Variants in RBMS3 observed in about 807,000 individuals in gnomAD.
RBMS3 encodes RNA binding motif single stranded interacting protein 3, also known as RNA-binding motif, single-stranded-interacting protein 3.
RBMS3 carries 27 observed loss-of-function variants against 66.8 expected under a neutral mutation model. The ratio of observed to expected loss-of-function variants is 0.40; its 90% CI spans 0.30 to 0.56. The LOEUF (loss-of-function observed/expected upper bound fraction) is 0.56, where lower values mean the gene tolerates loss of function less well. Among genes scored for constraint, RBMS3 ranks in the 20% least tolerant of loss-of-function variants. RBMS3 has a pLI of 0.40. For missense variants in RBMS3, 513 were observed against 549.5 expected (o/e 0.93, Z 0.66); for synonymous variants, 188 against 183.0 (o/e 1.03, Z -0.22).
At chr3:29,560,288 C>A (rs1182911008) in intron 3 of RBMS3, among the ~76,000 whole-genome samples, 2 of 152,188 alleles carry the variant, frequency 1.3e-5, no homozygotes, top group African/African-American at 2.4e-5. Flanking sequence ...CAAAAAATTT[C>A]TTCCCCACTT....
At chr3:29,553,431 A>G (rs2046241288) in intron 3 of RBMS3, among the ~76,000 whole-genome samples, 1 of 152,162 alleles carries the variant, frequency 6.6e-6, no homozygotes, top group African/African-American at 2.4e-5. Flanking sequence ...ATGGCTCTTA[A>G]GGTTGTCCCA....
chr3:29,707,532 C>T (rs143352078), intron 4 of RBMS3, among the ~76,000 whole-genome samples: 3,584 of 152,204 alleles, frequency 0.024, 55 homozygotes, highest in Middle Eastern at 0.037. Context: ...TAAAAACAAA[C>T]AAAACATCTG....
chr3:29,794,862 A>C (rs1255975479), intron 6 of RBMS3, among the ~76,000 whole-genome samples: 1 of 152,220 alleles, frequency 6.6e-6, no homozygotes, highest in East Asian at 1.9e-4. Context: ...AATTTGCTAA[A>C]GGGTTGGGAG....
chr3:29,559,114 G>T (rs2046454410), intron 3 of RBMS3, among the ~76,000 whole-genome samples: 1 of 152,068 alleles, frequency 6.6e-6, no homozygotes, highest in Middle Eastern at 3.4e-3. Flanking sequence ...AGATAGTGAG[G>T]AAATCCAAAA....
At chr3:29,511,226 G>A (rs567475081) in intron 3 of RBMS3, among the ~76,000 whole-genome samples, 2 of 152,162 alleles carry the variant, frequency 1.3e-5, no homozygotes, top group Non-Finnish European at 1.5e-5. Context: ...GAACCCAGGA[G>A]CAGAGGTTAC....
At chr3:29,587,016 A>T in intron 3 of RBMS3, 98 bp from the exon 4 acceptor site, 2 of 869,032 alleles carry the variant, frequency 2.3e-6, no homozygotes, top group Non-Finnish European at 3.6e-6. Flanking sequence ...ATGTCAGAAG[A>T]AATGAATGCA....
intron 6 of RBMS3, among the ~76,000 whole-genome samples, chr3:29,838,360 T>C (rs1425260657): frequency 6.6e-6 from 1 of 151,672 alleles, no homozygotes; most frequent in Non-Finnish European, 1.5e-5. Flanking sequence ...AATAAATAAA[T>C]AAAACCAATA....
chr3:29,876,358 G>C (rs1257675296), intron 7 of RBMS3, among the ~76,000 whole-genome samples: 2 of 151,690 alleles, frequency 1.3e-5, no homozygotes, highest in African/African-American at 4.8e-5. Flanking sequence ...CTTTTCCAAA[G>C]TAAATTTTAC....
At chr3:29,428,349 A>G (rs1441445610) in intron 1 of RBMS3, among the ~76,000 whole-genome samples, 1 of 152,122 alleles carries the variant, frequency 6.6e-6, no homozygotes, top group Non-Finnish European at 1.5e-5. Context: ...CATGCACAGG[A>G]CAGCTCCCTA....
chr3:29,994,733 TAACA>T (rs992118940), intron 14 of RBMS3, among the ~76,000 whole-genome samples: 1 of 152,008 alleles, frequency 6.6e-6, no homozygotes, highest in African/African-American at 2.4e-5. Context: ...GAAGGAAAAC[TAACA>T]AACAGAAAGG....
At chr3:29,933,717 C>T (rs1430594920) in intron 10 of RBMS3, 2 of 152,066 alleles carry the variant, frequency 1.3e-5, no homozygotes, top group African/African-American at 4.8e-5. Context: ...AGTAACTGGT[C>T]TCCTTACATT....
intron 12 of RBMS3, among the ~76,000 whole-genome samples, chr3:29,944,942 ATATGTC>A (rs1319780922): frequency 1.8e-4 from 27 of 151,780 alleles, no homozygotes; most frequent in African/African-American, 2.4e-4. Context: ...TTGTAATAGG[ATATGTC>A]TATGTAAAGA....
intron 1 of RBMS3, among the ~76,000 whole-genome samples, chr3:29,386,259 G>A (rs545516593): frequency 2.0e-5 from 3 of 151,816 alleles, no homozygotes; most frequent in African/African-American, 7.3e-5. Context: ...GTGCTGCCAC[G>A]CAACCTATTA....
At chr3:29,302,598 T>G (rs2033754026) in intron 1 of RBMS3, among the ~76,000 whole-genome samples, 1 of 152,018 alleles carries the variant, frequency 6.6e-6, no homozygotes, top group Non-Finnish European at 1.5e-5. Context: ...ATAATATTTA[T>G]CCAGGTATAT....
chr3:29,731,015 C>G, intron 4 of RBMS3: 2 of 985,344 alleles, frequency 2.0e-6, no homozygotes, highest in Non-Finnish European at 1.2e-6. Context: ...CCAAAGGTAA[C>G]TTAAATTTAG....
At chr3:29,725,721 G>T (rs994320227) in intron 4 of RBMS3, among the ~76,000 whole-genome samples, 1 of 151,860 alleles carries the variant, frequency 6.6e-6, no homozygotes, top group Non-Finnish European at 1.5e-5. Context: ...TAATTAATAC[G>T]CTACCAACCA....
chr3:29,583,912 C>CACAT (rs1193183519), intron 3 of RBMS3, among the ~76,000 whole-genome samples: 2 of 152,124 alleles, frequency 1.3e-5, no homozygotes, highest in African/African-American at 4.8e-5. Flanking sequence ...CACACACACA[C>CACAT]ACAGACAACC....
At chr3:29,980,129 A>T (rs538174131) in intron 12 of RBMS3, among the ~76,000 whole-genome samples, 160 of 152,286 alleles carry the variant, frequency 1.1e-3, no homozygotes, top group African/African-American at 3.7e-3. Context: ...TCCCCAGTCT[A>T]ACTGGTGTGA....
intron 3 of RBMS3, among the ~76,000 whole-genome samples, chr3:29,551,478 A>G (rs2046176841): frequency 6.6e-6 from 1 of 152,214 alleles, no homozygotes; most frequent in South Asian, 2.1e-4. Flanking sequence ...ACAAATCTGA[A>G]GTTCTTGGAA....
Sources: gnomAD v4.1 joint callset for allele counts (sites outside exome capture counted in the v4.1 genomes callset) on GRCh38, gnomAD v4.1.1 for gene constraint, MANE v1.5 for transcripts, NCBI Gene and HGNC (gene_info 2026-07-23, HGNC 2026-07-21) for gene names.